Variants in TBC1D9B observed in about 807,000 individuals in gnomAD.
TBC1D9B encodes the protein TBC1 domain family, member 9B (with GRAM domain).
TBC1D9B carries 87 observed loss-of-function variants against 121.1 expected under a neutral mutation model. The observed-to-expected ratio is 0.72, with a 90% confidence interval of 0.60 to 0.86. The LOEUF (loss-of-function observed/expected upper bound fraction) is 0.86. Among genes scored for constraint, TBC1D9B ranks in the 40% least tolerant of loss-of-function variants. The pLI is 0.00. For missense variants in TBC1D9B, 1,540 were observed against 1,628.6 expected (o/e 0.95, Z 0.94); for synonymous variants, 668 against 670.1 (o/e 1.00, Z 0.05).
In TBC1D9B at chr5:179,862,441, T is replaced by C; in HGVS notation, c.*1007A>G. 1 of 407,978 alleles carries C rather than the reference T, an allele frequency of 2.5e-6. No individual in the cohort carries two copies. The highest frequency in any genetic ancestry group is 5.2e-6 in the Non-Finnish European group (1 of 193,550). The allele number at this position is 407,978 out of a possible 1,614,324, so 25.3% of individuals were successfully genotyped here. On this transcript the variant is annotated 3_prime_UTR_variant, in exon 21 of 21. Coordinates refer to ENST00000355235, the MANE Select transcript of TBC1D9B (RefSeq NM_015043.4). ...GTTCTTGAACCCAAGGGCAGACAGC[T>C]TGCTACAGCCCAGGCCTGAGGATGC...
rs976098672 is a variant in TBC1D9B at position 179,902,143 on chromosome 5, G to A, written c.229+2559C>T. 5.3e-5 allele frequency among the ~76,000 whole-genome samples: 8 copies of A among 152,364 alleles called. No individual in the cohort carries two copies. Among genetic ancestry groups the A allele is most frequent in the Middle Eastern group, 3.4e-3 (1 of 294 alleles). ...AGCTCCCGGCCTCATGGGCTTCCAC[G>A]TAAAAGCGTGTGCAGACACGTCATG... On this transcript the variant is annotated intron_variant, in intron 2 of 20. Transcript: ENST00000355235. The surrounding 1 kb of genome is among the most constrained non-coding windows in gnomAD (Gnocchi z 4.9).
chr5:179,888,307 G>C lies in TBC1D9B; in HGVS notation c.1050C>G (p.Thr350=). ...CHLIIPLREV[T]IVEKADSSSV... is the part of the protein sequence containing the mutation. ...TGGAGCTGTCAGCTTTTTCGACAAT[G>C]GTCACCTGAGAAGGTGAAAGAACTC... The change falls in exon 7 of 21, where the codon ACC becomes ACG. Residue 350 remains threonine, a synonymous_variant. Transcript: ENST00000355235. 7 of 1,611,088 alleles carry C rather than the reference G, an allele frequency of 4.3e-6. No homozygotes were observed. The highest frequency in any genetic ancestry group is 5.9e-6 in the Non-Finnish European group (7 of 1,179,264).
chr5:179,879,245 G>A, intron 8 of TBC1D9B, 48 bp from the exon 9 acceptor site: 1 of 1,574,756 alleles, frequency 6.4e-7, no homozygotes, highest in Non-Finnish European at 8.6e-7. Context: ...GCGCATCTGA[G>A]TGCCGAGGCC....
chr5:179,886,249 T>A (rs951966539), intron 7 of TBC1D9B, among the ~76,000 whole-genome samples: 4 of 152,218 alleles, frequency 2.6e-5, no homozygotes, highest in African/African-American at 4.8e-5. Flanking sequence ...CTCACTGGAA[T>A]ACAGCTCTAA....
chr5:179,888,616 G>A (rs1295203446), intron 6 of TBC1D9B, among the ~76,000 whole-genome samples: 2 of 152,294 alleles, frequency 1.3e-5, no homozygotes, highest in African/African-American at 2.4e-5. Context: ...AAGGCTGTCC[G>A]AAAGCAGGGC....
At position 179,891,591 on chromosome 5, in the gene TBC1D9B, G is replaced by A. The variant is rs1370106440; in HGVS notation, c.837-5C>T. 1.9e-6 allele frequency: 3 copies of A among 1,611,750 alleles called. No individual in the cohort carries two copies. Among genetic ancestry groups the A allele is most frequent in the East Asian group, 2.2e-5 (1 of 44,872 alleles). On this transcript the variant is annotated splice_region_variant and splice_polypyrimidine_tract_variant and intron_variant, in intron 5 of 20. Coordinates refer to ENST00000355235, the MANE Select transcript of TBC1D9B (RefSeq NM_015043.4). The surrounding 1 kb of genome is among the most constrained non-coding windows in gnomAD (Gnocchi z 4.3). ...TTGGCTCGGGCGTCCAGGTCTCTGG[G>A]GAAACAAGGTAGGAGGACAGGAGGA...
chr5:179,901,790 A>G (rs939892840), intron 2 of TBC1D9B, among the ~76,000 whole-genome samples: 7 of 152,230 alleles, frequency 4.6e-5, no homozygotes, highest in African/African-American at 1.7e-4. Flanking sequence ...TTTTTTACAT[A>G]TGTGCATTAA....
At position 179,902,541 on chromosome 5, in the gene TBC1D9B, C is replaced by A. The variant is rs574909668; in HGVS notation, c.229+2161G>T. On this transcript the variant is annotated intron_variant, in intron 2 of 20. Transcript: ENST00000355235. This position sits in a 1 kb window ranked among gnomAD's most constrained non-coding sequence, Gnocchi z 4.9. ...TTGGGCCTGGCAGGAGGGGAGAGGT[C>A]AAGTGTGTGGCACGGGGCTACGTAC... 3.4e-4 allele frequency among the ~76,000 whole-genome samples: 52 copies of A among 152,258 alleles called. No individual in the cohort carries two copies. The highest frequency in any genetic ancestry group is 6.0e-4 in the Non-Finnish European group (41 of 68,022).
intron 7 of TBC1D9B, among the ~76,000 whole-genome samples, chr5:179,886,555 A>C (rs1306525402): frequency 1.3e-5 from 2 of 152,170 alleles, no homozygotes; most frequent in African/African-American, 4.8e-5. Context: ...ATCCACATTG[A>C]TTCCGCCCAC....
intron 2 of TBC1D9B, among the ~76,000 whole-genome samples, chr5:179,901,686 G>C (rs1321641222): frequency 6.6e-6 from 1 of 152,152 alleles, no homozygotes; most frequent in Non-Finnish European, 1.5e-5. Flanking sequence ...GAGGTGGGAG[G>C]ATCGCTTTAG....
intron 10 of TBC1D9B, 129 bp downstream of exon 10, chr5:179,878,180 T>C: frequency 2.1e-6 from 2 of 951,746 alleles, no homozygotes; most frequent in South Asian, 1.7e-5. Flanking sequence ...TTAAATTACA[T>C]CTTTTTCTGC....
intron 3 of TBC1D9B, among the ~76,000 whole-genome samples, chr5:179,898,175 G>GA (rs950024942): frequency 1.5e-4 from 21 of 141,164 alleles, no homozygotes; most frequent in Non-Finnish European, 3.0e-4. Flanking sequence ...TTTTTGAGAC[G>GA]AAGTCTCATT....
intron 2 of TBC1D9B, among the ~76,000 whole-genome samples, chr5:179,903,710 T>C (rs570946316): frequency 6.6e-6 from 1 of 152,238 alleles, no homozygotes; most frequent in Non-Finnish European, 1.5e-5. Flanking sequence ...GCTGCTCTCA[T>C]GCACAGATCT....
intron 17 of TBC1D9B, 34 bp from the exon 18 acceptor site, chr5:179,867,883 A>G (rs770331244): frequency 3.3e-6 from 5 of 1,501,534 alleles, no homozygotes; most frequent in Non-Finnish European, 4.4e-6. Context: ...TGAGGGCAGG[A>G]GGAAACAAGG....
At position 179,870,214 on chromosome 5, in the gene TBC1D9B, G is replaced by A. The variant is rs759024569; in HGVS notation, c.2725+41C>T. On this transcript the variant is annotated intron_variant, in intron 16 of 20. Transcript: ENST00000355235. ...ATTTGGAGGCTTCCTGGGAAAGGGT[G>A]AGGGAGGGTCAAGCCCCTGGTAGGC... 5 of 1,608,592 alleles carry A rather than the reference G, an allele frequency of 3.1e-6. No homozygotes were observed. In the South Asian group the frequency reaches 4.4e-5, roughly 14 times the overall value.
chr5:179,900,349 C>T (rs1008372517), intron 2 of TBC1D9B, among the ~76,000 whole-genome samples: 1 of 152,188 alleles, frequency 6.6e-6, no homozygotes, highest in Non-Finnish European at 1.5e-5. Context: ...CCTGGCCTGG[C>T]TCCCCTACCC....
At chr5:179,893,489 C>T (rs1330079253) in intron 4 of TBC1D9B, 22 bp from the exon 5 acceptor site, 8 of 1,573,402 alleles carry the variant, frequency 5.1e-6, no homozygotes, top group South Asian at 1.2e-5. Context: ...GAGATAGACA[C>T]ACCGCAAGTT....
intron 18 of TBC1D9B, 143 bp downstream of exon 18, chr5:179,867,635 C>A: frequency 6.8e-7 from 1 of 1,480,808 alleles, no homozygotes; most frequent in Non-Finnish European, 9.3e-7. Context: ...CAGAGCCCAG[C>A]CCGTGGTCCC....
At chr5:179,895,039 T>C (rs1022571200) in intron 3 of TBC1D9B, among the ~76,000 whole-genome samples, 1 of 151,882 alleles carries the variant, frequency 6.6e-6, no homozygotes, top group African/African-American at 2.4e-5. Flanking sequence ...TTTTGTACTT[T>C]TTGTAGAAAT....
Sources: allele counts gnomAD v4.1 joint callset (sites outside exome capture counted in the v4.1 genomes callset), GRCh38; gene constraint gnomAD v4.1.1; non-coding constraint Gnocchi (gnomAD v3.1); transcripts MANE v1.5; gene names NCBI Gene and HGNC (gene_info 2026-07-23, HGNC 2026-07-21).